Variants in AKT3 observed in about 807,000 individuals in gnomAD.
AKT3 encodes AKT serine/threonine kinase 3, also known as RAC-gamma serine/threonine-protein kinase.
A neutral mutation model predicts 65.3 loss-of-function variants in AKT3; 15 were observed. That is an observed-to-expected ratio of 0.23 (90% CI 0.15 to 0.35). The LOEUF (loss-of-function observed/expected upper bound fraction) is 0.35, where lower values mean the gene tolerates loss of function less well. Among genes scored for constraint, AKT3 ranks in the 10% least tolerant of loss-of-function variants. AKT3 has a pLI of 1.00. For missense variants in AKT3, 243 were observed against 576.5 expected, an observed-to-expected ratio of 0.42 and a Z score of 5.92; for synonymous variants, 206 against 183.8, an observed-to-expected ratio of 1.12 and a Z score of -0.98.
chr1:243,758,559 G>A (rs1689286805), intron 2 of AKT3, among the ~76,000 whole-genome samples: 1 of 152,148 alleles, frequency 6.6e-6, no homozygotes, highest in Non-Finnish European at 1.5e-5. Flanking sequence ...CAACCTTTCT[G>A]GCACCAGGGA....
At chr1:243,639,737 T>C (rs910680173) in intron 5 of AKT3, among the ~76,000 whole-genome samples, 2 of 152,180 alleles carry the variant, frequency 1.3e-5, no homozygotes, top group Non-Finnish European at 2.9e-5. Flanking sequence ...AGCATATGAT[T>C]AAAAAATAAC....
At chr1:243,756,886 C>G (rs775413250) in intron 2 of AKT3, among the ~76,000 whole-genome samples, 1 of 152,122 alleles carries the variant, frequency 6.6e-6, no homozygotes, top group Non-Finnish European at 1.5e-5. Context: ...AATTGAGTAT[C>G]AATTCAGAAT....
rs929041201 is a variant in AKT3 at position 243,557,334 on chromosome 1, G to A, written c.949-4391C>T. ...GGTTAGTTTTGTATATGTTCTCATG[G>A]TACAGAGAATTTAAAATTAAACTTC... is the stretch of plus-strand genomic sequence containing the variant. On this transcript the variant is annotated intron_variant, in intron 10 of 13. Transcript: ENST00000673466. 6.4e-4 allele frequency among the ~76,000 whole-genome samples: 98 copies of A among 152,084 alleles called. 1 individual carries two copies. Among genetic ancestry groups the A allele is most frequent in the African/African-American group, 2.2e-3 (92 of 41,510 alleles).
intron 4 of AKT3, among the ~76,000 whole-genome samples, chr1:243,654,254 C>A (rs1263483591): frequency 1.3e-5 from 2 of 152,100 alleles, no homozygotes; most frequent in African/African-American, 2.4e-5. Context: ...AAAATTAACT[C>A]CATTTTTGTC....
intron 12 of AKT3, among the ~76,000 whole-genome samples, chr1:243,536,309 C>A (rs1386129328): frequency 6.6e-6 from 1 of 152,046 alleles, no homozygotes; most frequent in Non-Finnish European, 1.5e-5. Flanking sequence ...CTAGGTCAAT[C>A]TCCGGAAGAA....
intron 12 of AKT3, among the ~76,000 whole-genome samples, chr1:243,532,738 T>A (rs1159657692): frequency 2.6e-5 from 4 of 152,230 alleles, no homozygotes; most frequent in African/African-American, 9.6e-5. Flanking sequence ...AATTTTTCTT[T>A]AAGTGTTGGG....
In AKT3 at chr1:243,646,138, G is replaced by A. The variant is rs1484709415; in HGVS notation, c.285-101C>T. On this transcript the variant is annotated intron_variant, in intron 4 of 13. Transcript: ENST00000673466. ...AATCAATACAAATAAAATCTATTCA[G>A]AGATCAAACACACTCAACACAGATA... The A allele has an allele frequency of 3.0e-6, 3 of 1,012,940 alleles. No homozygotes were observed. The African/African-American group carries it at 4.9e-5, about 17-fold the overall frequency. The allele number at this position is 1,012,940 out of a possible 1,614,324, so 62.7% of individuals were successfully genotyped here.
intron 2 of AKT3, among the ~76,000 whole-genome samples, chr1:243,826,187 A>T (rs1344317837): frequency 6.6e-6 from 1 of 152,144 alleles, no homozygotes; most frequent in Non-Finnish European, 1.5e-5. Flanking sequence ...GACCAGACAA[A>T]ATGGCTACAT....
chr1:243,514,581 T>A (rs1246511674), intron 12 of AKT3, among the ~76,000 whole-genome samples: 2 of 152,134 alleles, frequency 1.3e-5, no homozygotes, highest in Non-Finnish European at 2.9e-5. Context: ...TCATCACCAA[T>A]AAAATATAAG....
At chr1:243,806,291 C>T (rs1015061191) in intron 2 of AKT3, among the ~76,000 whole-genome samples, 2 of 151,966 alleles carry the variant, frequency 1.3e-5, no homozygotes, top group Admixed American at 6.6e-5. Flanking sequence ...GCAAGGAGCA[C>T]GTTTTATTCT....
chr1:243,675,731 G>C (rs1433813135), intron 3 of AKT3, among the ~76,000 whole-genome samples: 1 of 152,046 alleles, frequency 6.6e-6, no homozygotes, highest in Non-Finnish European at 1.5e-5. Flanking sequence ...TGCAGCATTT[G>C]ATGTTCTTGG....
chr1:243,669,247 T>C (rs1683008652), intron 3 of AKT3, among the ~76,000 whole-genome samples: 1 of 152,146 alleles, frequency 6.6e-6, no homozygotes. Context: ...TTATAGCACC[T>C]AGGACAGTGA....
intron 2 of AKT3, among the ~76,000 whole-genome samples, chr1:243,806,443 C>T (rs1244477653): frequency 6.6e-6 from 1 of 152,158 alleles, no homozygotes; most frequent in African/African-American, 2.4e-5. Context: ...GCTTTGCAAG[C>T]ATCAAAGTTG....
intron 1 of AKT3, among the ~76,000 whole-genome samples, chr1:243,849,810 T>C (rs1205770736): frequency 6.6e-6 from 1 of 151,042 alleles, no homozygotes; most frequent in Non-Finnish European, 1.5e-5. Flanking sequence ...GGGGTGTCGG[T>C]GTCAACCGCG....
chr1:243,520,750 G>A (rs1312718615), intron 12 of AKT3, among the ~76,000 whole-genome samples: 1 of 152,124 alleles, frequency 6.6e-6, no homozygotes, highest in Admixed American at 6.5e-5. Context: ...AAAGTTTCTG[G>A]GTTCAAGACA....
chr1:243,819,552 A>T (rs990465123), intron 2 of AKT3, among the ~76,000 whole-genome samples: 4 of 152,144 alleles, frequency 2.6e-5, no homozygotes, highest in Non-Finnish European at 4.4e-5. Flanking sequence ...CAGCAGACTT[A>T]AGTCTTTCTC....
In AKT3 at chr1:243,850,048, G is replaced by T; in HGVS notation, c.-121C>A. Reference sequence around the variant, plus strand: ...GGGGCGGTGGCTGTTACCTGCAACGGCGGCGGCGGCGGTGGCGGCCCCGCA... The same window carrying T: ...GGGGCGGTGGCTGTTACCTGCAACGTCGGCGGCGGCGGTGGCGGCCCCGCA... On this transcript the variant is annotated 5_prime_UTR_variant, in exon 1 of 14. Transcript: ENST00000673466. 1 of 953,750 alleles carries T rather than the reference G, an allele frequency of 1.0e-6. No individual in the cohort carries two copies. The highest frequency in any genetic ancestry group is 1.2e-6 in the Non-Finnish European group (1 of 822,372). The allele number at this position is 953,750 out of a possible 1,614,324, so 59.1% of individuals were successfully genotyped here.
At position 243,520,851 on chromosome 1, in the gene AKT3, T is replaced by C. The variant is rs186717451; in HGVS notation, c.1252-8425A>G. 5.5e-3 allele frequency among the ~76,000 whole-genome samples: 837 copies of C among 152,336 alleles called. 3 individuals are homozygous for C. Among genetic ancestry groups the C allele is most frequent in the Middle Eastern group, 0.017 (5 of 294 alleles). ...CTAAATTCTTTCCACACTGATCTTT[T>C]ATCAAATTTTAAATGCTATGAAATC... On this transcript the variant is annotated intron_variant, in intron 12 of 13. Coordinates refer to ENST00000673466, the MANE Select transcript of AKT3 (RefSeq NM_005465.7).
chr1:243,565,290 G>C (rs1009028576), intron 9 of AKT3, among the ~76,000 whole-genome samples: 1 of 152,172 alleles, frequency 6.6e-6, no homozygotes, highest in Admixed American at 6.5e-5. Context: ...GGAGTGCAGT[G>C]GTGCAATCAC....
Sources: gnomAD v4.1 joint callset for allele counts (sites outside exome capture counted in the v4.1 genomes callset) on GRCh38, gnomAD v4.1.1 for gene constraint, MANE v1.5 for transcripts, NCBI Gene and HGNC (gene_info 2026-07-23, HGNC 2026-07-21) for gene names.